Variants in CYYR1 observed in about 807,000 individuals in gnomAD.
The protein encoded by CYYR1 is cysteine and tyrosine-rich protein 1.
CYYR1 carries 14 observed loss-of-function variants against 15.2 expected under a neutral mutation model. The ratio of observed to expected loss-of-function variants is 0.92; its 90% CI spans 0.61 to 1.44. CYYR1 has a LOEUF of 1.44. Among genes scored for constraint, CYYR1 ranks in the 40% most tolerant of loss-of-function variants. The pLI is 0.00. For synonymous variants in CYYR1, 80 were observed against 77.4 expected, an observed-to-expected ratio of 1.03 and a Z score of -0.18; for missense variants, 228 against 209.5, an observed-to-expected ratio of 1.09 and a Z score of -0.54.
intron 2 of CYYR1, among the ~76,000 whole-genome samples, chr21:26,539,760 T>C (rs1978414795): frequency 6.6e-6 from 1 of 152,208 alleles, no homozygotes; most frequent in Admixed American, 6.5e-5. Context: ...TATCTTCTTT[T>C]TGAGGTTTCT....
At chr21:26,571,331 T>G (rs1462820438) in intron 1 of CYYR1, among the ~76,000 whole-genome samples, 6 of 152,248 alleles carry the variant, frequency 3.9e-5, no homozygotes, top group Non-Finnish European at 8.8e-5. Flanking sequence ...CTTTGTAGCT[T>G]ATGATAGAGG....
At chr21:26,562,773 A>ACACACACACAC (rs1980309324) in intron 2 of CYYR1, among the ~76,000 whole-genome samples, 1 of 106,954 alleles carries the variant, frequency 9.3e-6, no homozygotes, top group Non-Finnish European at 2.0e-5. Flanking sequence ...GACATACACA[A>ACACACACACAC]ACACACACAC....
chr21:26,535,726 T>C (rs985639628), intron 2 of CYYR1, among the ~76,000 whole-genome samples: 2 of 152,152 alleles, frequency 1.3e-5, no homozygotes, highest in Non-Finnish European at 2.9e-5. Flanking sequence ...AGTGAGTCGG[T>C]GGCCACTCTC....
chr21:26,469,201 C>T (rs1352177612), intron 3 of CYYR1, among the ~76,000 whole-genome samples: 1 of 152,084 alleles, frequency 6.6e-6, no homozygotes, highest in Non-Finnish European at 1.5e-5. Flanking sequence ...GAAAAACATT[C>T]TAACAGTCCT....
At chr21:26,482,585 CT>C (rs769970941) in intron 2 of CYYR1, 203 of 867,148 alleles carry the variant, frequency 2.3e-4, no homozygotes, top group Admixed American at 6.8e-4. Context: ...TGAATGGCTT[CT>C]TAAAAATCGA....
At chr21:26,538,993 T>C (rs1978361869) in intron 2 of CYYR1, among the ~76,000 whole-genome samples, 1 of 152,110 alleles carries the variant, frequency 6.6e-6, no homozygotes, top group Non-Finnish European at 1.5e-5. Context: ...GAAACAATGA[T>C]GAGTGAAAAT....
At chr21:26,571,645 AT>A (rs545643559) in intron 1 of CYYR1, among the ~76,000 whole-genome samples, 5 of 152,194 alleles carry the variant, frequency 3.3e-5, no homozygotes, top group African/African-American at 1.2e-4. Flanking sequence ...TAATAAAGAG[AT>A]TTTTTCAATA....
intron 2 of CYYR1, among the ~76,000 whole-genome samples, chr21:26,562,799 A>AACACACAC (rs57351372): frequency 0.13 from 16,675 of 132,432 alleles, 1,178 homozygotes; most frequent in Non-Finnish European, 0.14. Flanking sequence ...GACATACACA[A>AACACACAC]ACACACACAC....
At chr21:26,482,147 G>T in intron 2 of CYYR1, 1 of 418,230 alleles carries the variant, frequency 2.4e-6, no homozygotes, top group Non-Finnish European at 3.2e-6. Flanking sequence ...TCTCAGACAA[G>T]ATTTATCCTT....
At chr21:26,566,460 A>C in intron 1 of CYYR1, 92 bp from the exon 2 acceptor site, 1 of 947,184 alleles carries the variant, frequency 1.1e-6, no homozygotes, top group Admixed American at 2.0e-5. Flanking sequence ...TCAGCCAATG[A>C]CCACCCTTTA....
chr21:26,506,749 G>A (rs2065571606), intron 2 of CYYR1: 1 of 151,862 alleles, frequency 6.6e-6, no homozygotes, highest in Admixed American at 6.6e-5. Flanking sequence ...AAGATGCATG[G>A]TCCTCCCATG....
chr21:26,571,443 C>A (rs748015225), intron 1 of CYYR1, among the ~76,000 whole-genome samples: 1 of 152,200 alleles, frequency 6.6e-6, no homozygotes, highest in African/African-American at 2.4e-5. Flanking sequence ...GAGCTGGGCA[C>A]CTAGCACTGG....
chr21:26,555,368 A>G (rs1979696650), intron 2 of CYYR1, among the ~76,000 whole-genome samples: 1 of 152,182 alleles, frequency 6.6e-6, no homozygotes, highest in African/African-American at 2.4e-5. Flanking sequence ...AAAATGTTGT[A>G]TCCACACAGT....
At chr21:26,567,752 T>C (rs1349436555) in intron 1 of CYYR1, among the ~76,000 whole-genome samples, 2 of 152,178 alleles carry the variant, frequency 1.3e-5, no homozygotes, top group Non-Finnish European at 2.9e-5. Context: ...ATTATATTTA[T>C]GTCTGCACGT....
intron 2 of CYYR1, among the ~76,000 whole-genome samples, chr21:26,491,103 A>G (rs994496983): frequency 1.3e-5 from 2 of 152,214 alleles, no homozygotes; most frequent in African/African-American, 4.8e-5. Context: ...ACATGGAATT[A>G]TAAACTAGAG....
chr21:26,572,818 C>T lies in CYYR1; in HGVS notation c.73+50G>A, dbSNP rs576436644. ...ACCCACGTTAGCCCGGACCGTGACC[C>T]AAGGGCAGCCCCGAGCCTCTGACCC... On this transcript the variant is annotated intron_variant, in intron 1 of 3. Coordinates refer to ENST00000652641, the MANE Select transcript of CYYR1 (RefSeq NM_001320768.2). 13 of 1,605,442 alleles carry T rather than the reference C, an allele frequency of 8.1e-6. No homozygotes were observed. The African/African-American group carries it at 1.6e-4, about 20-fold the overall frequency.
chr21:26,528,872 G>T (rs1477479847), intron 2 of CYYR1, among the ~76,000 whole-genome samples: 3 of 152,158 alleles, frequency 2.0e-5, no homozygotes, highest in Non-Finnish European at 2.9e-5. Flanking sequence ...TGTAAGAGAT[G>T]GAGGAACATT....
chr21:26,505,171 C>T (rs1294832678), intron 2 of CYYR1, among the ~76,000 whole-genome samples: 1 of 152,100 alleles, frequency 6.6e-6, no homozygotes, highest in African/African-American at 2.4e-5. Flanking sequence ...AAACATGGCC[C>T]CTCTTTGCTA....
At chr21:26,571,761 T>A (rs955755521) in intron 1 of CYYR1, among the ~76,000 whole-genome samples, 6 of 152,226 alleles carry the variant, frequency 3.9e-5, no homozygotes, top group African/African-American at 1.4e-4. Flanking sequence ...TAAATGTAAT[T>A]CTCTTCATTA....
Sources: allele counts gnomAD v4.1 joint callset (sites outside exome capture counted in the v4.1 genomes callset), GRCh38; gene constraint gnomAD v4.1.1; transcripts MANE v1.5; gene names NCBI Gene and HGNC (gene_info 2026-07-23, HGNC 2026-07-21).